RO60: variants seen among roughly 807,000 people sequenced by gnomAD.
RO60 encodes the protein RNA-binding protein RO60.
RO60 carries 20 observed loss-of-function variants against 55.3 expected under a neutral mutation model. The observed-to-expected ratio is 0.36, with a 90% confidence interval of 0.25 to 0.53. The LOEUF (loss-of-function observed/expected upper bound fraction) is 0.53, where lower values mean the gene tolerates loss of function less well. Ranked by LOEUF, RO60 falls within the 20% of genes least tolerant of loss-of-function variation. The pLI, the probability that RO60 is intolerant of heterozygous loss-of-function variation, is 0.92. For synonymous variants in RO60, 213 were observed against 213.6 expected, an observed-to-expected ratio of 1.00 and a Z score of 0.02; for missense variants, 558 against 646.6, an observed-to-expected ratio of 0.86 and a Z score of 1.49.
At chr1:193,075,666 T>C (rs1673860825) in intron 2 of RO60, among the ~76,000 whole-genome samples, 154 bp from the exon 3 acceptor site, 1 of 152,186 alleles carries the variant, frequency 6.6e-6, no homozygotes, top group Non-Finnish European at 1.5e-5. Context: ...CCCATTTGCT[T>C]AATTGTTATA....
chr1:193,064,532 A>G (rs1054959721), intron 1 of RO60, among the ~76,000 whole-genome samples: 16 of 152,192 alleles, frequency 1.1e-4, no homozygotes, highest in African/African-American at 3.6e-4. Flanking sequence ...CAAGAAGGAG[A>G]GTAACTTGGG....
intron 4 of RO60, 37 bp from the exon 5 acceptor site, chr1:193,076,876 G>C: frequency 6.3e-7 from 1 of 1,588,462 alleles, no homozygotes; most frequent in East Asian, 2.3e-5. Flanking sequence ...CATAATCACT[G>C]TTTTTTGCTA....
intron 2 of RO60, among the ~76,000 whole-genome samples, chr1:193,074,851 G>C (rs1673793133): frequency 6.6e-6 from 1 of 152,148 alleles, no homozygotes. Flanking sequence ...TTCTTCTAGG[G>C]CTTTTATGGT....
intron 1 of RO60, among the ~76,000 whole-genome samples, chr1:193,067,917 C>G (rs1673225853): frequency 6.6e-6 from 1 of 152,032 alleles, no homozygotes; most frequent in Non-Finnish European, 1.5e-5. Context: ...TATCAAGGAC[C>G]CAGGTTCTTT....
chr1:193,084,934 A>G lies in RO60; in HGVS notation c.*203A>G. ...ATCTACTAAACTAGCTCTTGGGGAAATAGCTTCAGGATACTGTAGTTTCCT... is the reference window on the plus strand; with the variant it reads ...ATCTACTAAACTAGCTCTTGGGGAAGTAGCTTCAGGATACTGTAGTTTCCT... On this transcript the variant is annotated 3_prime_UTR_variant, in exon 9 of 9. Coordinates refer to ENST00000400968, the MANE Select transcript of RO60 (RefSeq NM_001173524.2). The G allele has an allele frequency of 6.6e-7, 1 of 1,515,000 alleles. No homozygotes were observed. The highest frequency in any genetic ancestry group is 8.8e-7 in the Non-Finnish European group (1 of 1,136,492). The allele number at this position is 1,515,000 out of a possible 1,614,324, so 93.8% of individuals were successfully genotyped here.
chr1:193,069,639 GC>G lies in RO60; in HGVS notation c.580+6del. 7 of 1,593,032 alleles carry G rather than the reference GC, an allele frequency of 4.4e-6. No homozygotes were observed. Among genetic ancestry groups the G allele is most frequent in the Non-Finnish European group, 5.1e-6 (6 of 1,165,394 alleles). On this transcript the variant is annotated splice_donor_region_variant and intron_variant, in intron 2 of 8. Coordinates refer to ENST00000400968, the MANE Select transcript of RO60 (RefSeq NM_001173524.2). The stretch of plus-strand genomic sequence containing the variant: ...ATCTTAAACCTTCCAGTGAAGGTAA[GC>G]ATAAGATCTTCATTGGGAAGAAGGG...
At position 193,059,706 on chromosome 1, in the gene RO60, T is replaced by C; in HGVS notation, c.-92T>C. ...CTGCCCGTCAGGCTGCCTTCTTTTG[T>C]CGTTTCCCAGCGCTGCGCAGGACTT... On this transcript the variant is annotated 5_prime_UTR_variant, in exon 1 of 9. Coordinates refer to ENST00000400968, the MANE Select transcript of RO60 (RefSeq NM_001173524.2). The surrounding 1 kb of genome is among the most constrained non-coding windows in gnomAD (Gnocchi z 4.9). 7.4e-7 allele frequency: 1 copy of C among 1,354,966 alleles called. No individual in the cohort carries two copies. The highest frequency in any genetic ancestry group is 4.6e-5 in the East Asian group (1 of 21,528). The allele number at this position is 1,354,966 out of a possible 1,614,324, so 83.9% of individuals were successfully genotyped here. A position where few individuals can be genotyped will look rare whatever the true frequency, so the allele number is the denominator to read the frequency against.
In RO60 at chr1:193,084,626, T is replaced by C. The variant is rs1674538248; in HGVS notation, c.1512T>C (p.Asn504=). The part of the protein sequence containing the change: ...AKLIVCGMTS[N]GFTIADPDDR... The stretch of plus-strand genomic sequence containing the variant: ...TGATTGTTTGTGGAATGACATCAAA[T>C]GGTTTCACCATTGCAGACCCAGATG... Residue 504 remains asparagine, a synonymous_variant, in exon 9 of 9, where the codon AAT becomes AAC. Coordinates refer to ENST00000400968, the MANE Select transcript of RO60 (RefSeq NM_001173524.2). The C allele has an allele frequency of 6.2e-7, 1 of 1,613,882 alleles. No individual in the cohort carries two copies. Among genetic ancestry groups the C allele is most frequent in the Non-Finnish European group, 8.5e-7 (1 of 1,179,892 alleles).
At chr1:193,091,656 C>T (rs940141251), downstream of RO60, 1 of 1,611,490 alleles carries the variant, frequency 6.2e-7, no homozygotes, top group Non-Finnish European at 8.5e-7. Context: ...TCTAGCCTTG[C>T]AAAATACCCT....
rs1369256855 is a variant in RO60, at chr1:193,087,256, G to C, written c.*2525G>C. On this transcript the variant is annotated 3_prime_UTR_variant, in exon 9 of 9. Transcript: ENST00000400968. ...AACTTTACCTCATTATGAATAAAAT[G>C]TACTGAAGTGATAAGTTTTTTATTT... is the stretch of plus-strand genomic sequence containing the variant. 6.6e-6 allele frequency: 1 copy of C among 152,056 alleles called. No individual in the cohort carries two copies. The highest frequency in any genetic ancestry group is 1.5e-5 in the Non-Finnish European group (1 of 67,970). The allele number at this position is 152,056 out of a possible 1,614,324, so 9.4% of individuals were successfully genotyped here.
chr1:193,082,546 T>A lies in RO60; in HGVS notation c.1318-16T>A, dbSNP rs200157889. On this transcript the variant is annotated splice_polypyrimidine_tract_variant and intron_variant, in intron 7 of 8. Transcript: ENST00000400968. The stretch of plus-strand genomic sequence containing the variant: ...GATTTATTTACTTATTTATTCATGC[T>A]TTTGTTCCGAATTAGATCCCAGCAG... 233 of 1,613,298 alleles carry A rather than the reference T, an allele frequency of 1.4e-4. 2 individuals carry two copies. In the East Asian group the frequency reaches 5.1e-3, roughly 35 times the overall value.
rs1673320255 is a variant in RO60 at position 193,069,244 on chromosome 1, T to C, written c.190T>C (p.Leu64=). The C allele has an allele frequency of 2.5e-6, 4 of 1,614,198 alleles. No homozygotes were observed. Among genetic ancestry groups the C allele is most frequent in the Non-Finnish European group, 3.4e-6 (4 of 1,180,036 alleles). Reference sequence around the variant, plus strand: ...TGAAAATGCTGAAGCTTTAATTAGATTGATTGAAGATGGCAGAGGATGTGA... The same window carrying C: ...TGAAAATGCTGAAGCTTTAATTAGACTGATTGAAGATGGCAGAGGATGTGA... ...GLENAEALIR[L]IEDGRGCEVI... Residue 64 remains leucine (L), a synonymous_variant, in exon 2 of 9, where the codon TTG becomes CTG. Transcript: ENST00000400968.
At chr1:193,075,351 T>C (rs1417987180) in intron 2 of RO60, among the ~76,000 whole-genome samples, 1 of 149,978 alleles carries the variant, frequency 6.7e-6, no homozygotes, top group East Asian at 1.9e-4. Context: ...TAAAAGAAGC[T>C]ACCCTGTCCA....
rs1674535602 is a variant in RO60, at chr1:193,084,594, G to A, written c.1480G>A (p.Ala494Thr). 8 of 1,612,014 alleles carry A rather than the reference G, an allele frequency of 5.0e-6. No homozygotes were observed. The East Asian group carries it at 1.8e-4, about 36-fold the overall frequency. ...REYRKKMDIP[A>T]KLIVCGMTSN... ...TTTTCTACAGAAAATGGATATTCCAGCTAAATTGATTGTTTGTGGAATGAC... is the reference window on the plus strand; with the variant it reads ...TTTTCTACAGAAAATGGATATTCCAACTAAATTGATTGTTTGTGGAATGAC... Residue 494 changes from alanine to threonine, a missense_variant, in exon 9 of 9, where the codon GCT (alanine) becomes ACT (threonine). Ala to Thr is a moderately conservative substitution (Grantham distance 58). Transcript: ENST00000400968.
intron 1 of RO60, chr1:193,060,012 C>A: frequency 7.4e-7 from 1 of 1,359,720 alleles, no homozygotes; most frequent in Non-Finnish European, 9.8e-7. Context: ...TCAGGGTGGG[C>A]CCTTTCCGAA....
intron 8 of RO60, among the ~76,000 whole-genome samples, chr1:193,083,973 C>A (rs1674491007): frequency 6.6e-6 from 1 of 152,160 alleles, no homozygotes; most frequent in South Asian, 2.1e-4. Flanking sequence ...TTTAACTGAT[C>A]TACATCATAG....
chr1:193,083,349 A>C (rs879879927), intron 8 of RO60, among the ~76,000 whole-genome samples: 1 of 152,176 alleles, frequency 6.6e-6, no homozygotes, highest in East Asian at 1.9e-4. Flanking sequence ...TTGCAAAAGG[A>C]TTACATAAAA....
chr1:193,074,617 TA>T (rs1018710265), intron 2 of RO60, among the ~76,000 whole-genome samples: 33 of 152,362 alleles, frequency 2.2e-4, no homozygotes, highest in African/African-American at 6.7e-4. Flanking sequence ...GAGTTCTTTG[TA>T]GATTCTGGAT....
At chr1:193,078,126 C>T (rs1466287084) in intron 5 of RO60, among the ~76,000 whole-genome samples, 1 of 152,116 alleles carries the variant, frequency 6.6e-6, no homozygotes, top group Non-Finnish European at 1.5e-5. Flanking sequence ...TGTAATACAT[C>T]ACATTAGTAG....
Sources: allele counts gnomAD v4.1 joint callset (sites outside exome capture counted in the v4.1 genomes callset), GRCh38; gene constraint gnomAD v4.1.1; non-coding constraint Gnocchi (gnomAD v3.1); transcripts MANE v1.5; gene names NCBI Gene and HGNC (gene_info 2026-07-23, HGNC 2026-07-21).